CLMP: variants seen among roughly 807,000 people sequenced by gnomAD.
CLMP encodes CXADR like cell adhesion molecule, also known as CXADR-like membrane protein.
A neutral mutation model predicts 45.2 loss-of-function variants in CLMP; 27 were observed. The ratio of observed to expected loss-of-function variants is 0.60; its 90% CI spans 0.44 to 0.82. The LOEUF is 0.82. Among genes scored for constraint, CLMP ranks in the 40% least tolerant of loss-of-function variants. The pLI is 0.00. For synonymous variants in CLMP, 167 were observed against 171.4 expected (o/e 0.97, Z 0.20); for missense variants, 403 against 448.4 (o/e 0.90, Z 0.91).
chr11:123,144,383 T>G (rs1861208181), intron 1 of CLMP, among the ~76,000 whole-genome samples: 1 of 152,176 alleles, frequency 6.6e-6, no homozygotes, highest in South Asian at 2.1e-4. Flanking sequence ...GGGATAATAT[T>G]TTTTTGAGAC....
intron 1 of CLMP, among the ~76,000 whole-genome samples, chr11:123,175,780 A>G (rs1294347573): frequency 6.6e-6 from 1 of 152,242 alleles, no homozygotes; most frequent in Admixed American, 6.5e-5. Flanking sequence ...GAAACTTGAG[A>G]GGAAGATGTT....
chr11:123,076,192 A>G (rs1248062163), intron 5 of CLMP, among the ~76,000 whole-genome samples: 1 of 152,186 alleles, frequency 6.6e-6, no homozygotes. Flanking sequence ...ATAAAAGTTG[A>G]TTTTTAAAAA....
At chr11:123,178,731 AG>A (rs1357601796) in intron 1 of CLMP, among the ~76,000 whole-genome samples, 1 of 152,212 alleles carries the variant, frequency 6.6e-6, no homozygotes, top group African/African-American at 2.4e-5. Context: ...CTCTATTTAA[AG>A]GGTTTTTGAG....
chr11:123,181,219 C>T (rs555914535), intron 1 of CLMP, among the ~76,000 whole-genome samples: 16 of 152,222 alleles, frequency 1.1e-4, no homozygotes, highest in Middle Eastern at 3.4e-3. Context: ...TTCCCAACAC[C>T]GCCACACAGC....
chr11:123,175,142 A>G (rs980582693), intron 1 of CLMP, among the ~76,000 whole-genome samples: 11 of 152,260 alleles, frequency 7.2e-5, no homozygotes, highest in Admixed American at 5.9e-4. Flanking sequence ...TTTTTTTAAG[A>G]GACGGGGTGT....
intron 1 of CLMP, among the ~76,000 whole-genome samples, chr11:123,126,346 G>A (rs559057545): frequency 3.8e-4 from 58 of 152,268 alleles, no homozygotes; most frequent in African/African-American, 1.2e-3. Flanking sequence ...AGAGAGACAT[G>A]CAAATTCTCT....
At position 123,073,480 on chromosome 11, in the gene CLMP, C is replaced by A. The variant is rs537447169; in HGVS notation, c.1116G>T (p.Thr372=). Residue 372 remains threonine, a synonymous_variant, in exon 7 of 7, where the codon ACG becomes ACT. Coordinates refer to ENST00000448775, the MANE Select transcript of CLMP (RefSeq NM_024769.5). ...MIPSQSRAFQ[T]V ...GAGTCAAGTCCATTGTAATTCAGAC[C>A]GTTTGGAAGGCTCTGCTCTGGCTGG... 6.2e-7 allele frequency: 1 copy of A among 1,608,246 alleles called. No homozygotes were observed. The highest frequency in any genetic ancestry group is 8.5e-7 in the Non-Finnish European group (1 of 1,176,746).
At chr11:123,088,460 A>C (rs1865890284) in intron 2 of CLMP, among the ~76,000 whole-genome samples, 1 of 152,106 alleles carries the variant, frequency 6.6e-6, no homozygotes, top group African/African-American at 2.4e-5. Context: ...CAGATGCATA[A>C]TCACCTACAA....
At chr11:123,073,899 G>T (rs371929296) in intron 6 of CLMP, 125 bp from the exon 7 acceptor site, 13 of 934,070 alleles carry the variant, frequency 1.4e-5, no homozygotes, top group South Asian at 1.0e-4. Context: ...CAACCATTTA[G>T]GGTCATAGGT....
At chr11:123,146,854 C>T (rs1478316112) in intron 1 of CLMP, among the ~76,000 whole-genome samples, 2 of 152,198 alleles carry the variant, frequency 1.3e-5, no homozygotes, top group Non-Finnish European at 2.9e-5. Context: ...ACAAGCACCT[C>T]AAATTCAGCG....
intron 1 of CLMP, among the ~76,000 whole-genome samples, chr11:123,138,061 G>T (rs1861103805): frequency 6.6e-6 from 1 of 151,672 alleles, no homozygotes; most frequent in Non-Finnish European, 1.5e-5. Context: ...CTGGCGACTC[G>T]CTAAGCAGGG....
chr11:123,132,761 G>A (rs1348022759), intron 1 of CLMP, among the ~76,000 whole-genome samples: 1 of 150,810 alleles, frequency 6.6e-6, no homozygotes, highest in African/African-American at 2.4e-5. Flanking sequence ...GCCTGGCCCT[G>A]TTTTTTATTT....
chr11:123,106,382 G>GGTGT lies in CLMP; in HGVS notation c.29-8434_29-8431dup, dbSNP rs539659160. Among the ~76,000 whole-genome samples the GGTGT allele has an allele frequency of 1.0e-2, 1,346 of 135,182 alleles. 8 individuals are homozygous for GGTGT. Among genetic ancestry groups the GGTGT allele is most frequent in the Middle Eastern group, 0.023 (6 of 256 alleles). The allele number at this position is 135,182 out of a possible 152,430, so 88.7% of individuals were successfully genotyped here. On this transcript the variant is annotated intron_variant, in intron 1 of 6. Coordinates refer to ENST00000448775, the MANE Select transcript of CLMP (RefSeq NM_024769.5). ...CAGCTACATATATAATTCTGTAGGA[G>GGTGT]GTGTGTGTGTGTGTGTGTGTGTGTG... is the stretch of plus-strand genomic sequence containing the variant.
At chr11:123,147,402 G>A (rs918578802) in intron 1 of CLMP, among the ~76,000 whole-genome samples, 2 of 152,078 alleles carry the variant, frequency 1.3e-5, no homozygotes, top group Non-Finnish European at 2.9e-5. Flanking sequence ...AAGACTCAGA[G>A]GTCACATCCT....
chr11:123,119,692 T>A (rs933605522), intron 1 of CLMP, among the ~76,000 whole-genome samples: 80 of 140,884 alleles, frequency 5.7e-4, no homozygotes, highest in Admixed American at 7.4e-4. Flanking sequence ...CATTATTTTG[T>A]TGTTTTTTTT....
At chr11:123,096,467 T>C (rs1201763436) in intron 2 of CLMP, among the ~76,000 whole-genome samples, 1 of 152,132 alleles carries the variant, frequency 6.6e-6, no homozygotes, top group African/African-American at 2.4e-5. Context: ...GAGGTTGCAG[T>C]GAGCTAAGAT....
At chr11:123,084,270 A>C (rs951280294) in intron 3 of CLMP, among the ~76,000 whole-genome samples, 2 of 152,232 alleles carry the variant, frequency 1.3e-5, no homozygotes, top group Non-Finnish European at 2.9e-5. Flanking sequence ...ATCCCACTTA[A>C]ATATTAGAGA....
At chr11:123,116,072 C>T (rs1015380497) in intron 1 of CLMP, among the ~76,000 whole-genome samples, 3 of 152,040 alleles carry the variant, frequency 2.0e-5, no homozygotes, top group African/African-American at 4.8e-5. Flanking sequence ...CCTCACCACA[C>T]GGCAGCTGGC....
At position 123,073,400 on chromosome 11, in the gene CLMP, C is replaced by T; in HGVS notation, c.*74G>A. 1 of 1,497,762 alleles carries T rather than the reference C, an allele frequency of 6.7e-7. No individual in the cohort carries two copies. The highest frequency in any genetic ancestry group is 1.9e-4 in the Middle Eastern group (1 of 5,162). The allele number at this position is 1,497,762 out of a possible 1,614,324, so 92.8% of individuals were successfully genotyped here. On this transcript the variant is annotated 3_prime_UTR_variant, in exon 7 of 7. Coordinates refer to ENST00000448775, the MANE Select transcript of CLMP (RefSeq NM_024769.5). ...TCTCATCTGGTTGTGTGGCTGGTGA[C>T]TTGAGCTCCAATGACGAGAAGAGTC...
Sources: allele counts gnomAD v4.1 joint callset (sites outside exome capture counted in the v4.1 genomes callset), GRCh38; gene constraint gnomAD v4.1.1; transcripts MANE v1.5; gene names NCBI Gene and HGNC (gene_info 2026-07-23, HGNC 2026-07-21).